STK3: variants seen among roughly 807,000 people sequenced by gnomAD.
The protein encoded by STK3 is serine/threonine-protein kinase 3.
A neutral mutation model predicts 58.0 loss-of-function variants in STK3; 41 were observed. The observed-to-expected ratio is 0.71, with a 90% confidence interval of 0.55 to 0.92. The LOEUF is 0.92. STK3 is among the 40% of genes least tolerant of loss of function. STK3 has a pLI of 0.00. For missense variants in STK3, 479 were observed against 602.7 expected, an observed-to-expected ratio of 0.79 and a Z score of 2.15; for synonymous variants, 170 against 191.0, an observed-to-expected ratio of 0.89 and a Z score of 0.91.
intron 10 of STK3, among the ~76,000 whole-genome samples, chr8:98,508,695 T>A (rs1348665309): frequency 6.6e-6 from 1 of 152,146 alleles, no homozygotes; most frequent in Non-Finnish European, 1.5e-5. Context: ...CTGGTTATGT[T>A]TTGGATTGCT....
chr8:98,482,418 C>T (rs540095645), intron 10 of STK3, among the ~76,000 whole-genome samples: 4 of 152,026 alleles, frequency 2.6e-5, no homozygotes, highest in East Asian at 1.9e-4. Flanking sequence ...GAATAAACTA[C>T]GTAAAGATAA....
At chr8:98,535,317 A>C (rs1379172670) in intron 9 of STK3, among the ~76,000 whole-genome samples, 3 of 152,216 alleles carry the variant, frequency 2.0e-5, no homozygotes, top group Non-Finnish European at 2.9e-5. Flanking sequence ...TAAGAACAAA[A>C]CAAAAACAAT....
At chr8:98,691,793 G>C (rs1200739869) in intron 6 of STK3, among the ~76,000 whole-genome samples, 1 of 151,914 alleles carries the variant, frequency 6.6e-6, no homozygotes, top group African/African-American at 2.4e-5. Context: ...TTAGCTGGGC[G>C]TGGTGGCGCG....
chr8:98,765,849 T>G (rs72666699), intron 3 of STK3, among the ~76,000 whole-genome samples: 5,160 of 152,338 alleles, frequency 0.034, 118 homozygotes, highest in South Asian at 0.068. Context: ...ATAGTCATAA[T>G]TTATATACTC....
At chr8:98,714,510 C>T (rs1252838806) in intron 4 of STK3, among the ~76,000 whole-genome samples, 2 of 152,160 alleles carry the variant, frequency 1.3e-5, no homozygotes, top group African/African-American at 4.8e-5. Context: ...AGAGACAAAT[C>T]ATGAGTGAAC....
At chr8:98,926,983 G>A (rs1839823371) in intron 1 of STK3, among the ~76,000 whole-genome samples, 1 of 152,192 alleles carries the variant, frequency 6.6e-6, no homozygotes, top group Admixed American at 6.5e-5. Flanking sequence ...GCTGTGTAAG[G>A]GCCACAGCCA....
intron 6 of STK3, among the ~76,000 whole-genome samples, chr8:98,683,291 G>A (rs2130907469): frequency 6.6e-6 from 1 of 152,106 alleles, no homozygotes; most frequent in African/African-American, 2.4e-5. Flanking sequence ...AGTTGGATTT[G>A]ATTAGCATTT....
intron 3 of STK3, among the ~76,000 whole-genome samples, chr8:98,869,680 C>T (rs1435315680): frequency 6.6e-6 from 1 of 151,984 alleles, no homozygotes; most frequent in Non-Finnish European, 1.5e-5. Context: ...AAGTGAGCAC[C>T]GTCCTGCCAA....
the STK3 span, among the ~76,000 whole-genome samples, chr8:98,344,485 C>T: frequency 1.3e-5 from 2 of 152,218 alleles, no homozygotes; most frequent in African/African-American, 4.8e-5. Flanking sequence ...CCTTGCTGCC[C>T]AGTGCCTTTT....
intron 6 of STK3, among the ~76,000 whole-genome samples, chr8:98,614,289 C>T (rs1817464369): frequency 6.6e-6 from 1 of 152,092 alleles, no homozygotes; most frequent in Non-Finnish European, 1.5e-5. Context: ...ATAAAACATA[C>T]ATCAACAAAT....
At chr8:98,362,236 A>G in the STK3 span, among the ~76,000 whole-genome samples, 2 of 152,180 alleles carry the variant, frequency 1.3e-5, no homozygotes, top group Non-Finnish European at 2.9e-5. Flanking sequence ...AAGCTTGCTC[A>G]GTGGGGAGAA....
At chr8:98,765,058 G>A (rs2131431751) in intron 3 of STK3, among the ~76,000 whole-genome samples, 1 of 152,346 alleles carries the variant, frequency 6.6e-6, no homozygotes, top group East Asian at 1.9e-4. Context: ...AACAAGATTT[G>A]AGGGAAGAGA....
At chr8:98,637,055 ATT>A (rs199727972) in intron 6 of STK3, among the ~76,000 whole-genome samples, 193 of 140,020 alleles carry the variant, frequency 1.4e-3, no homozygotes, top group African/African-American at 3.5e-3. Flanking sequence ...CATTTGTAAG[ATT>A]TTTTTTTTTT....
intron 6 of STK3, among the ~76,000 whole-genome samples, chr8:98,643,127 T>A (rs1820147897): frequency 6.6e-6 from 1 of 152,110 alleles, no homozygotes; most frequent in Non-Finnish European, 1.5e-5. Context: ...CTCCAGAGGC[T>A]GAGGTGGAAG....
intron 6 of STK3, among the ~76,000 whole-genome samples, chr8:98,665,465 T>C (rs1563866602): frequency 6.6e-6 from 1 of 151,832 alleles, no homozygotes; most frequent in Non-Finnish European, 1.5e-5. Flanking sequence ...GGCACAATCA[T>C]GACTCACTGT....
At chr8:98,573,697 A>C (rs1051893299) in intron 8 of STK3, among the ~76,000 whole-genome samples, 3 of 152,196 alleles carry the variant, frequency 2.0e-5, no homozygotes, top group Admixed American at 2.0e-4. Context: ...GTACAAGTCC[A>C]AAGTCTCATC....
chr8:98,669,400 A>G (rs1032533923), intron 6 of STK3, among the ~76,000 whole-genome samples: 8 of 152,174 alleles, frequency 5.3e-5, no homozygotes, highest in African/African-American at 1.9e-4. Flanking sequence ...CTAATTGATC[A>G]TAACACCAAG....
chr8:98,486,670 A>G (rs183393701), intron 10 of STK3, among the ~76,000 whole-genome samples: 92 of 152,348 alleles, frequency 6.0e-4, no homozygotes, highest in African/African-American at 1.8e-3. Flanking sequence ...GGGGAGAGGA[A>G]GAAAGATTAG....
At chr8:98,699,849 T>C (rs1825386519) in intron 6 of STK3, among the ~76,000 whole-genome samples, 1 of 152,228 alleles carries the variant, frequency 6.6e-6, no homozygotes, top group Non-Finnish European at 1.5e-5. Flanking sequence ...CTGCCCATTC[T>C]CAGATCTCCA....
Sources: gnomAD v4.1 joint callset for allele counts (sites outside exome capture counted in the v4.1 genomes callset) on GRCh38, gnomAD v4.1.1 for gene constraint, MANE v1.5 for transcripts, NCBI Gene and HGNC (gene_info 2026-07-23, HGNC 2026-07-21) for gene names.